The following FARS2 variants were observed in gnomAD, a reference collection of about 807,000 sequenced individuals.
FARS2 encodes phenylalanyl-tRNA synthetase 2, mitochondrial.
In FARS2, 40 loss-of-function variants were observed where a neutral mutation model predicts 46.4. The ratio of observed to expected loss-of-function variants is 0.86; its 90% confidence interval spans 0.67 to 1.12. The LOEUF is 1.12. Among genes scored for constraint, FARS2 ranks in the 50% most tolerant of loss-of-function variants. The pLI, the probability that FARS2 is intolerant of heterozygous loss-of-function variation, is 0.00. For synonymous variants in FARS2, 234 were observed against 214.9 expected, an observed-to-expected ratio of 1.09 and a Z score of -0.78; for missense variants, 513 against 567.9, an observed-to-expected ratio of 0.90 and a Z score of 0.98.
intron 4 of FARS2, among the ~76,000 whole-genome samples, chr6:5,448,437 C>T (rs1347926880): frequency 2.0e-5 from 3 of 148,224 alleles, no homozygotes; most frequent in Non-Finnish European, 1.5e-5. Flanking sequence ...CTTTTTCTTT[C>T]TTCTTAAAAA....
chr6:5,634,408 G>C (rs1776441327), intron 6 of FARS2, among the ~76,000 whole-genome samples: 1 of 152,114 alleles, frequency 6.6e-6, no homozygotes, highest in South Asian at 2.1e-4. Context: ...GCTCAAGCAA[G>C]CCTCCTGTGT....
intron 1 of FARS2, among the ~76,000 whole-genome samples, chr6:5,341,002 G>C (rs1712798920): frequency 6.6e-6 from 1 of 151,114 alleles, no homozygotes; most frequent in Middle Eastern, 3.4e-3. Flanking sequence ...AAAAAAATTA[G>C]CCAGGCATGG....
intron 3 of FARS2, among the ~76,000 whole-genome samples, chr6:5,413,102 A>G (rs1242714857): frequency 6.6e-6 from 1 of 152,184 alleles, no homozygotes; most frequent in Admixed American, 6.5e-5. Context: ...GAAGTGGGAA[A>G]ATATATACTA....
At chr6:5,502,417 A>G (rs968840985) in intron 4 of FARS2, among the ~76,000 whole-genome samples, 80 of 152,192 alleles carry the variant, frequency 5.3e-4, no homozygotes, top group African/African-American at 7.7e-4. Flanking sequence ...TTATTTTTCA[A>G]TAAACCCTTT....
the FARS2 span, among the ~76,000 whole-genome samples, chr6:5,249,980 C>T: frequency 6.6e-6 from 1 of 152,210 alleles, no homozygotes; most frequent in East Asian, 1.9e-4. Context: ...TTCATTATAG[C>T]CATTTCAAAC....
At position 5,375,997 on chromosome 6, in the gene FARS2, A is replaced by T. The variant is rs957375468; in HGVS notation, c.612+6815A>T. ...CTACATTGTGTTAAAACATCTGCCT[A>T]ATAAAAGTCTCCATAATCAAAGTTA... On this transcript the variant is annotated intron_variant, in intron 2 of 6. Coordinates refer to ENST00000274680, the MANE Select transcript of FARS2 (RefSeq NM_006567.5). Among the ~76,000 whole-genome samples, 60 of 152,164 alleles carry T rather than the reference A, an allele frequency of 3.9e-4. 1 individual carries two copies. The highest frequency in any genetic ancestry group is 3.9e-3 in the Admixed American group (60 of 15,284).
intron 1 of FARS2, among the ~76,000 whole-genome samples, chr6:5,281,229 A>G (rs1461576678): frequency 6.6e-6 from 1 of 152,264 alleles, no homozygotes; most frequent in South Asian, 2.1e-4. Flanking sequence ...TTAATAATAT[A>G]TAAATACTTT....
At chr6:5,264,973 T>G (rs1301471375) in intron 1 of FARS2, among the ~76,000 whole-genome samples, 2 of 150,692 alleles carry the variant, frequency 1.3e-5, no homozygotes, top group African/African-American at 4.9e-5. Flanking sequence ...TTTAAGTGTT[T>G]TTTTTTTTTT....
intron 6 of FARS2, among the ~76,000 whole-genome samples, chr6:5,762,430 T>C (rs566692710): frequency 1.7e-4 from 26 of 152,254 alleles, no homozygotes; most frequent in Admixed American, 2.6e-4. Context: ...GGAGCAGTTA[T>C]TGTCATATAC....
chr6:5,651,226 A>G (rs35576503), intron 6 of FARS2, among the ~76,000 whole-genome samples: 60,089 of 152,010 alleles, frequency 0.4, 12,195 homozygotes, highest in Non-Finnish European at 0.43. Flanking sequence ...TTGGCAGGGG[A>G]ACAATCAAGA....
intron 6 of FARS2, among the ~76,000 whole-genome samples, chr6:5,638,250 AC>A (rs1251177406): frequency 6.6e-6 from 1 of 152,228 alleles, no homozygotes; most frequent in Non-Finnish European, 1.5e-5. Context: ...GAGAGAATAT[AC>A]AAGCTGTTAG....
At chr6:5,321,478 A>G (rs537626475) in intron 1 of FARS2, among the ~76,000 whole-genome samples, 9 of 152,234 alleles carry the variant, frequency 5.9e-5, no homozygotes, top group African/African-American at 1.9e-4. Flanking sequence ...GCCTGTGTTT[A>G]TTTATCTTTC....
chr6:5,670,153 A>G (rs538939047), intron 6 of FARS2, among the ~76,000 whole-genome samples: 30 of 152,326 alleles, frequency 2.0e-4, no homozygotes, highest in Admixed American at 5.2e-4. Flanking sequence ...GCAGCCAAGC[A>G]TAGGCGCTTA....
chr6:5,611,427 G>A (rs553270094), intron 5 of FARS2, among the ~76,000 whole-genome samples: 26 of 152,200 alleles, frequency 1.7e-4, no homozygotes, highest in Middle Eastern at 3.4e-3. Flanking sequence ...TACCACCACC[G>A]CTGGTTAAGC....
intron 1 of FARS2, among the ~76,000 whole-genome samples, chr6:5,294,310 A>G (rs905428149): frequency 6.6e-6 from 1 of 152,152 alleles, no homozygotes; most frequent in Non-Finnish European, 1.5e-5. Flanking sequence ...GGAGTAGAGG[A>G]CAAAGAATGG....
At chr6:5,412,017 C>T (rs1026014770) in intron 3 of FARS2, among the ~76,000 whole-genome samples, 5 of 152,194 alleles carry the variant, frequency 3.3e-5, no homozygotes, top group African/African-American at 1.2e-4. Flanking sequence ...ATTTCCCTTT[C>T]TAAAGGATTG....
chr6:5,557,462 T>G (rs1194703636), intron 5 of FARS2, among the ~76,000 whole-genome samples: 1 of 152,138 alleles, frequency 6.6e-6, no homozygotes, highest in African/African-American at 2.4e-5. Flanking sequence ...TCAGCAGACT[T>G]CCCTCACATC....
At chr6:5,381,286 C>T (rs1281062237) in intron 2 of FARS2, among the ~76,000 whole-genome samples, 2 of 151,800 alleles carry the variant, frequency 1.3e-5, no homozygotes, top group Non-Finnish European at 1.5e-5. Context: ...CGTGAGCCAC[C>T]GCGCCCGGCC....
chr6:5,405,630 T>C (rs908903448), intron 3 of FARS2, among the ~76,000 whole-genome samples: 3 of 151,798 alleles, frequency 2.0e-5, no homozygotes, highest in Non-Finnish European at 4.4e-5. Flanking sequence ...GTAGCTGGGA[T>C]GACAGGCGCC....
Sources: gnomAD v4.1 joint callset for allele counts (sites outside exome capture counted in the v4.1 genomes callset) on GRCh38, gnomAD v4.1.1 for gene constraint, MANE v1.5 for transcripts, NCBI Gene and HGNC (gene_info 2026-07-23, HGNC 2026-07-21) for gene names.